CFAP97D1: variants seen among roughly 807,000 people sequenced by gnomAD.
CFAP97D1 encodes sperm axonemal maintenance protein CFAP97D1.
A neutral mutation model predicts 20.5 loss-of-function variants in CFAP97D1; 15 were observed. The observed-to-expected ratio is 0.73, with a 90% confidence interval of 0.49 to 1.13. The LOEUF is 1.13. Ranked by LOEUF, CFAP97D1 falls within the 50% of genes most tolerant of loss-of-function variation. The probability of loss-of-function intolerance (pLI) is 0.00; values close to 1 mark genes in which losing one functional copy is unlikely to be tolerated. For missense variants in CFAP97D1, 168 were observed against 202.9 expected, an observed-to-expected ratio of 0.83 and a Z score of 1.04; for synonymous variants, 58 against 71.2, an observed-to-expected ratio of 0.82 and a Z score of 0.93.
intron 3 of CFAP97D1, among the ~76,000 whole-genome samples, chr17:43,782,237 T>A (rs1598304694): frequency 6.6e-6 from 1 of 152,166 alleles, no homozygotes; most frequent in Non-Finnish European, 1.5e-5. Context: ...AAATTTCTCA[T>A]AGTTCTAGAG....
Position 43,781,802 on chromosome 17 carries a change from A to G in CFAP97D1, c.224A>G (p.Glu75Gly). 2.6e-6 allele frequency: 4 copies of G among 1,551,608 alleles called. No individual in the cohort carries two copies. The highest frequency in any genetic ancestry group is 3.5e-6 in the Non-Finnish European group (4 of 1,146,890). ...GAACAAAAGAAAATCAACAAAATCG[A>G]GTATGAAAACAAGCAACTGTGTCAG... Reference protein sequence around the residue: ...QGEQKKINKIEYENKQLCQKI... With the variant: ...QGEQKKINKIGYENKQLCQKI... The change falls in exon 3 of 6, where the codon GAG becomes GGG. Residue 75 changes from glutamate (E) to glycine (G), a missense_variant. Transcript: ENST00000449302.
intron 2 of CFAP97D1, among the ~76,000 whole-genome samples, 171 bp from the exon 3 acceptor site, chr17:43,781,603 G>A (rs961449400): frequency 6.6e-6 from 1 of 151,982 alleles, no homozygotes; most frequent in African/African-American, 2.4e-5. Flanking sequence ...GGGATTACAG[G>A]CGTGAGCCAC....
At chr17:43,782,055 G>T in intron 3 of CFAP97D1, among the ~76,000 whole-genome samples, 163 bp downstream of exon 3, 1 of 152,294 alleles carries the variant, frequency 6.6e-6, no homozygotes, top group Admixed American at 6.5e-5. Context: ...TAAAAATGGG[G>T]ACCTTTCTCT....
chr17:43,781,286 C>G lies in CFAP97D1; in HGVS notation c.195+97C>G, dbSNP rs1252876243. 3.0e-6 allele frequency: 3 copies of G among 998,752 alleles called. No homozygotes were observed. The East Asian group carries it at 7.9e-5, about 26-fold the overall frequency. The allele number at this position is 998,752 out of a possible 1,614,324, so 61.9% of individuals were successfully genotyped here. ...CAATTTCCCAGAGCCTTCTAAATAC[C>G]CATCTACTCAAAGATTTGTTAATAC... On this transcript the variant is annotated intron_variant, in intron 2 of 5. Transcript: ENST00000449302.
chr17:43,783,311 G>A lies in CFAP97D1; in HGVS notation c.438+8G>A. ...TCTGAGATAGACTGGCAGGCACGTG[G>A]GCACTCATGTTATACTCCCAGACAC... On this transcript the variant is annotated splice_region_variant and intron_variant, in intron 4 of 5. Transcript: ENST00000449302. The A allele has an allele frequency of 6.4e-7, 1 of 1,551,040 alleles. No individual in the cohort carries two copies. Among genetic ancestry groups the A allele is most frequent in the Middle Eastern group, 1.7e-4 (1 of 5,986 alleles).
In CFAP97D1 at chr17:43,783,751, C is replaced by A. The variant is rs187319577; in HGVS notation, c.439-86C>A. ...CACTTACCGACTTTGGTCTTTAAAT[C>A]TTTTCTAAGTCATCCCTGGGATTTA... On this transcript the variant is annotated intron_variant, in intron 4 of 5. Transcript: ENST00000449302. The A allele has an allele frequency of 3.5e-4, 375 of 1,063,264 alleles. 1 individual carries two copies. The highest frequency in any genetic ancestry group is 1.1e-3 in the Admixed American group (50 of 45,950). The allele number at this position is 1,063,264 out of a possible 1,614,324, so 65.9% of individuals were successfully genotyped here.
At position 43,786,628 on chromosome 17, in the gene CFAP97D1, C is replaced by T. The variant is rs958895203; in HGVS notation, c.*2246C>T. ...ATGTATAGCTTTGTGTAACCACATT[C>T]GAGATACTTAAAACCACTATTATCA... On this transcript the variant is annotated 3_prime_UTR_variant, in exon 6 of 6. Transcript: ENST00000449302. The T allele has an allele frequency of 1.1e-4, 17 of 152,316 alleles. No individual in the cohort carries two copies. Among genetic ancestry groups the T allele is most frequent in the African/African-American group, 3.4e-4 (14 of 41,562 alleles). The allele number at this position is 152,316 out of a possible 1,614,324, so 9.4% of individuals were successfully genotyped here.
In CFAP97D1 at chr17:43,783,344, GT is replaced by G. The variant is rs1974494889; in HGVS notation, c.438+44del. 5 of 1,550,058 alleles carry G rather than the reference GT, an allele frequency of 3.2e-6. No individual in the cohort carries two copies. The East Asian group carries it at 1.2e-4, about 38-fold the overall frequency. ...TGTTATACTCCCAGACACACACAGA[GT>G]TTGTCGGTGTTCAGCCTAGAGAGAG... On this transcript the variant is annotated intron_variant, in intron 4 of 5. Transcript: ENST00000449302.
At position 43,787,262 on chromosome 17, in the gene CFAP97D1, T is replaced by G. The variant is rs900196688; in HGVS notation, c.*2880T>G. ...GATTACAGACATGAGCCACCACACC[T>G]GGCCTGATTTTTTAAATAGCAAATT... is the stretch of plus-strand genomic sequence containing the variant. On this transcript the variant is annotated 3_prime_UTR_variant, in exon 6 of 6. Transcript: ENST00000449302. The G allele has an allele frequency of 6.6e-6, 1 of 152,180 alleles. No homozygotes were observed. The highest frequency in any genetic ancestry group is 6.5e-5 in the Admixed American group (1 of 15,282). 9.4% of individuals were successfully genotyped at this position (152,180 alleles called of 1,614,324 possible). A position where few individuals can be genotyped will look rare whatever the true frequency, so the allele number is the denominator to read the frequency against.
rs2044289422 is a variant in CFAP97D1 at position 43,785,918 on chromosome 17, C to CA, written c.*1538dup. On this transcript the variant is annotated 3_prime_UTR_variant, in exon 6 of 6. Coordinates refer to ENST00000449302, the MANE Select transcript of CFAP97D1 (RefSeq NM_001136483.3). ...TGTGTCCAAGCCCCGCCTCTGGAGTCAAGGCCTGCCTCCCACCTCACTGGG... is the reference window on the plus strand; with the variant it reads ...TGTGTCCAAGCCCCGCCTCTGGAGTCAAAGGCCTGCCTCCCACCTCACTGGG... 6.6e-6 allele frequency: 1 copy of CA among 152,168 alleles called. No homozygotes were observed. Among genetic ancestry groups the CA allele is most frequent in the Non-Finnish European group, 1.5e-5 (1 of 68,070 alleles). The allele number at this position is 152,168 out of a possible 1,614,324, so 9.4% of individuals were successfully genotyped here.
Position 43,780,435 on chromosome 17 carries a change from A to G in CFAP97D1, c.-28A>G. 2 of 1,551,562 alleles carry G rather than the reference A, an allele frequency of 1.3e-6. No homozygotes were observed. The highest frequency in any genetic ancestry group is 1.7e-6 in the Non-Finnish European group (2 of 1,146,888). On this transcript the variant is annotated 5_prime_UTR_variant, in exon 1 of 6. Coordinates refer to ENST00000449302, the MANE Select transcript of CFAP97D1 (RefSeq NM_001136483.3). ...CCTCACAGAGGAGTCTGGGTACCTC[A>G]TTTCTGAAGTGAGACTAGGAAGAGA...
chr17:43,781,097 C>G, intron 1 of CFAP97D1, 22 bp from the exon 2 acceptor site: 1 of 1,531,600 alleles, frequency 6.5e-7, no homozygotes, highest in Non-Finnish European at 8.9e-7. Context: ...TAACATTGTT[C>G]CCTTTTATCC....
Position 43,783,858 on chromosome 17 carries a change from A to T in CFAP97D1, c.460A>T (p.Asn154Tyr). The change falls in exon 5 of 6, where the codon AAT becomes TAT. Residue 154 changes from asparagine (N) to tyrosine (Y), a missense_variant. Physicochemically the swap from Asn to Tyr is moderately radical, Grantham distance 143. Transcript: ENST00000449302. ...CAAGAATTCAAGGCGCTATATCAGA[A>T]ATACCACGAGATATCTTCTCTCCCA... ...DWQNSRRYIR[N>Y]TTRYLLSQNE is the part of the protein sequence containing the mutation. 1 of 1,550,604 alleles carries T rather than the reference A, an allele frequency of 6.4e-7. No individual in the cohort carries two copies. Among genetic ancestry groups the T allele is most frequent in the Non-Finnish European group, 8.7e-7 (1 of 1,146,782 alleles).
In CFAP97D1 at chr17:43,786,940, T is replaced by G. The variant is rs1346071295; in HGVS notation, c.*2558T>G. On this transcript the variant is annotated 3_prime_UTR_variant, in exon 6 of 6. Transcript: ENST00000449302. The stretch of plus-strand genomic sequence containing the variant: ...ATCCATCAAAGGACATTGGGGTAGT[T>G]TCTAGTTTTTCAAACATTATTATTA... 1.4e-5 allele frequency: 2 copies of G among 148,038 alleles called. No individual in the cohort carries two copies. The highest frequency in any genetic ancestry group is 4.3e-4 in the South Asian group (2 of 4,658). 9.2% of individuals were successfully genotyped at this position (148,038 alleles called of 1,614,324 possible).
rs779599844 is a variant in CFAP97D1, at chr17:43,783,340, C to T, written c.438+37C>T. 35 of 1,550,264 alleles carry T rather than the reference C, an allele frequency of 2.3e-5. No homozygotes were observed. The South Asian group carries it at 4.0e-4, about 18-fold the overall frequency. On this transcript the variant is annotated intron_variant, in intron 4 of 5. Coordinates refer to ENST00000449302, the MANE Select transcript of CFAP97D1 (RefSeq NM_001136483.3). ...CTCATGTTATACTCCCAGACACACA[C>T]AGAGTTTGTCGGTGTTCAGCCTAGA...
chr17:43,783,424 GTT>G, intron 4 of CFAP97D1, 121 bp downstream of exon 4: 1 of 1,320,098 alleles, frequency 7.6e-7, no homozygotes, highest in Non-Finnish European at 1.0e-6. Flanking sequence ...TGTAACAATC[GTT>G]AAAAGAAAAA....
At chr17:43,783,963 C>T (rs1483399507) in intron 5 of CFAP97D1, 70 bp downstream of exon 5, 13 of 1,205,030 alleles carry the variant, frequency 1.1e-5, no homozygotes, top group East Asian at 5.1e-5. Context: ...CCATAAATGG[C>T]GAATGAGGGG....
intron 4 of CFAP97D1, 72 bp downstream of exon 4, chr17:43,783,375 A>G: frequency 6.6e-7 from 1 of 1,519,648 alleles, no homozygotes; most frequent in Non-Finnish European, 8.9e-7. Context: ...AGAGAGTCTC[A>G]GAAAAATCCC....
rs1299309496 is a variant in CFAP97D1, at chr17:43,783,086, C to T, written c.315-94C>T. 8 of 1,477,586 alleles carry T rather than the reference C, an allele frequency of 5.4e-6. No individual in the cohort carries two copies. The Admixed American group carries it at 8.0e-5, about 15-fold the overall frequency. 91.5% of individuals were successfully genotyped at this position (1,477,586 alleles called of 1,614,324 possible). On this transcript the variant is annotated intron_variant, in intron 3 of 5. Transcript: ENST00000449302. ...GGACAGTTTACTCCCTGCACTTAGA[C>T]AGTCTGGCATTTATGATCTCATGAC...
Sources: allele counts gnomAD v4.1 joint callset (sites outside exome capture counted in the v4.1 genomes callset), GRCh38; gene constraint gnomAD v4.1.1; transcripts MANE v1.5; gene names NCBI Gene and HGNC (gene_info 2026-07-23, HGNC 2026-07-21).